The following CSGALNACT1 variants were observed in gnomAD, a reference collection of about 807,000 sequenced individuals.
CSGALNACT1 encodes the protein beta4GalNAcT-1.
Under a neutral mutation model 51.0 loss-of-function variants are expected in CSGALNACT1, and 52 were observed. The ratio of observed to expected loss-of-function variants is 1.02; its 90% confidence interval spans 0.82 to 1.29. The LOEUF is 1.29. CSGALNACT1 is among the 50% of genes most tolerant of loss of function. The probability of loss-of-function intolerance (pLI) is 0.00; values close to 1 mark genes in which losing one functional copy is unlikely to be tolerated. For missense variants in CSGALNACT1, 935 were observed against 679.2 expected (o/e 1.38, Z -4.19); for synonymous variants, 341 against 254.4 (o/e 1.34, Z -3.24).
intron 4 of CSGALNACT1, among the ~76,000 whole-genome samples, chr8:19,486,435 C>T (rs78522519): frequency 2.0e-5 from 3 of 152,168 alleles, no homozygotes; most frequent in Admixed American, 6.5e-5. Flanking sequence ...AATCCTCACC[C>T]GGGTCTATGA....
intron 3 of CSGALNACT1, among the ~76,000 whole-genome samples, chr8:19,508,276 T>C (rs2077763048): frequency 6.6e-6 from 1 of 152,254 alleles, no homozygotes; most frequent in Non-Finnish European, 1.5e-5. Context: ...CAACAGTTCC[T>C]CTTCTATTAC....
chr8:19,510,967 G>A (rs2078353466), intron 3 of CSGALNACT1, among the ~76,000 whole-genome samples: 1 of 152,208 alleles, frequency 6.6e-6, no homozygotes, highest in South Asian at 2.1e-4. Context: ...TCACTCTGCA[G>A]ATTTCAGTGA....
chr8:19,580,975 T>C (rs537732067), intron 3 of CSGALNACT1, among the ~76,000 whole-genome samples: 8 of 152,032 alleles, frequency 5.3e-5, no homozygotes, highest in African/African-American at 1.7e-4. Context: ...AAACAAAGAA[T>C]TGAAAATATG....
intron 5 of CSGALNACT1, among the ~76,000 whole-genome samples, chr8:19,446,098 C>G (rs2153784120): frequency 6.6e-6 from 1 of 152,234 alleles, no homozygotes; most frequent in East Asian, 1.9e-4. Context: ...TGACTTGAAC[C>G]TGGGAGCTAG....
In CSGALNACT1 at chr8:19,673,991, T is replaced by C. The variant is rs564177116; in HGVS notation, c.-544+8482A>G. On this transcript the variant is annotated intron_variant, in intron 1 of 9. Coordinates refer to the CSGALNACT1 transcript ENST00000332246. ...GTGAAGGGCAGAAGGCACAGAGATA[T>C]CTAAGAAGTCAGATCTGGTTGGGAA... 8.4e-4 allele frequency among the ~76,000 whole-genome samples: 128 copies of C among 152,270 alleles called. 1 individual carries two copies. The highest frequency in any genetic ancestry group is 1.5e-3 in the Non-Finnish European group (103 of 68,020).
At chr8:19,425,574 C>G (rs1267927597) in intron 6 of CSGALNACT1, among the ~76,000 whole-genome samples, 2 of 152,170 alleles carry the variant, frequency 1.3e-5, no homozygotes, top group Non-Finnish European at 2.9e-5. Context: ...CAGAGCCTCA[C>G]AAGAGTGGAA....
intron 1 of CSGALNACT1, among the ~76,000 whole-genome samples, chr8:19,747,546 G>C (rs1250295927): frequency 1.3e-5 from 2 of 152,084 alleles, no homozygotes; most frequent in African/African-American, 4.8e-5. Context: ...AGCTATTTTT[G>C]AGAGCACCCC....
intron 3 of CSGALNACT1, among the ~76,000 whole-genome samples, chr8:19,556,634 T>A (rs1215307520): frequency 6.6e-6 from 1 of 152,168 alleles, no homozygotes; most frequent in African/African-American, 2.4e-5. Flanking sequence ...ATTGGGACTG[T>A]TCTGTATGCA....
At chr8:19,517,102 G>A (rs903394257) in intron 3 of CSGALNACT1, among the ~76,000 whole-genome samples, 3 of 152,090 alleles carry the variant, frequency 2.0e-5, no homozygotes, top group Non-Finnish European at 4.4e-5. Flanking sequence ...AAAGCATCAC[G>A]GCAAGTAGAA....
At chr8:19,460,480 G>A (rs1334866046) in intron 4 of CSGALNACT1, among the ~76,000 whole-genome samples, 1 of 152,166 alleles carries the variant, frequency 6.6e-6, no homozygotes, top group Non-Finnish European at 1.5e-5. Context: ...GTCTTGGAAT[G>A]TATCCCCCAG....
At chr8:19,475,017 C>A (rs572424668) in intron 4 of CSGALNACT1, among the ~76,000 whole-genome samples, 1 of 152,176 alleles carries the variant, frequency 6.6e-6, no homozygotes, top group East Asian at 1.9e-4. Context: ...AGCTATAACA[C>A]CGTGGTCAGG....
In CSGALNACT1 at chr8:19,671,102, T is replaced by A. The variant is rs576222271; in HGVS notation, c.-544+11371A>T. On this transcript the variant is annotated intron_variant, in intron 1 of 9. Coordinates refer to the CSGALNACT1 transcript ENST00000332246. ...GGTTATTACCAGAATTAGCCCAGAGTGGAGGGCAGGAAGAGTTAAGTCAAC... is the reference window on the plus strand; with the variant it reads ...GGTTATTACCAGAATTAGCCCAGAGAGGAGGGCAGGAAGAGTTAAGTCAAC... Among the ~76,000 whole-genome samples, 4 of 151,560 alleles carry A rather than the reference T, an allele frequency of 2.6e-5. No homozygotes were observed. In the East Asian group the frequency reaches 7.8e-4, roughly 29 times the overall value.
At chr8:19,753,987 G>C (rs1369321848) in intron 1 of CSGALNACT1, among the ~76,000 whole-genome samples, 2 of 152,082 alleles carry the variant, frequency 1.3e-5, no homozygotes, top group African/African-American at 4.8e-5. Flanking sequence ...TTTCAGTGAT[G>C]CATCTTGGAA....
At chr8:19,662,860 A>AG (rs2058878998) in intron 1 of CSGALNACT1, among the ~76,000 whole-genome samples, 1 of 152,114 alleles carries the variant, frequency 6.6e-6, no homozygotes, top group African/African-American at 2.4e-5. Flanking sequence ...CCCATTCAGG[A>AG]GGTCATGCCA....
At chr8:19,454,236 A>C (rs927699440) in intron 5 of CSGALNACT1, among the ~76,000 whole-genome samples, 11 of 152,216 alleles carry the variant, frequency 7.2e-5, no homozygotes, top group African/African-American at 2.7e-4. Context: ...TTGACCATAC[A>C]ATATAGCCAA....
At chr8:19,509,503 T>C (rs2078034541) in intron 3 of CSGALNACT1, among the ~76,000 whole-genome samples, 1 of 151,458 alleles carries the variant, frequency 6.6e-6, no homozygotes, top group South Asian at 2.1e-4. Context: ...CAGCCTGTAA[T>C]CCTAGCTAAT....
At chr8:19,554,735 T>C (rs556790541) in intron 3 of CSGALNACT1, among the ~76,000 whole-genome samples, 1 of 152,040 alleles carries the variant, frequency 6.6e-6, no homozygotes, top group South Asian at 2.1e-4. Context: ...CTGCCCTACA[T>C]GGTGAAACCC....
chr8:19,699,040 T>A (rs756281800), intron 1 of CSGALNACT1, among the ~76,000 whole-genome samples: 4 of 152,208 alleles, frequency 2.6e-5, no homozygotes, highest in Non-Finnish European at 5.9e-5. Context: ...CTTTTTTCTT[T>A]TTTTCTTTTT....
chr8:19,500,614 T>C (rs992864355), intron 4 of CSGALNACT1, among the ~76,000 whole-genome samples: 3 of 152,324 alleles, frequency 2.0e-5, no homozygotes, highest in Middle Eastern at 3.4e-3. Flanking sequence ...CCTTACAGGC[T>C]ACTTAGTGAT....
Sources: allele counts gnomAD v4.1 joint callset (sites outside exome capture counted in the v4.1 genomes callset), GRCh38; gene constraint gnomAD v4.1.1; transcripts MANE v1.5; gene names NCBI Gene and HGNC (gene_info 2026-07-23, HGNC 2026-07-21).